The following ITPK1 variants were observed in gnomAD, a reference collection of about 807,000 sequenced individuals.
The protein encoded by ITPK1 is inositol-tetrakisphosphate 1-kinase.
ITPK1 carries 21 observed loss-of-function variants against 45.3 expected under a neutral mutation model. The ratio of observed to expected loss-of-function variants is 0.46; its 90% confidence interval spans 0.33 to 0.67. The LOEUF is 0.67. Ranked by LOEUF, ITPK1 falls within the 30% of genes least tolerant of loss-of-function variation. The probability of loss-of-function intolerance (pLI) is 0.02; values close to 1 mark genes in which losing one functional copy is unlikely to be tolerated. For synonymous variants in ITPK1, 258 were observed against 253.6 expected (o/e 1.02, Z -0.16); for missense variants, 474 against 573.5 (o/e 0.83, Z 1.77).
chr14:93,109,105 G>A (rs1421916985), intron 2 of ITPK1, among the ~76,000 whole-genome samples: 3 of 152,104 alleles, frequency 2.0e-5, no homozygotes, highest in South Asian at 2.1e-4. Flanking sequence ...GCAAGGGGAC[G>A]GGGTATTGTC....
intron 4 of ITPK1, among the ~76,000 whole-genome samples, chr14:92,999,620 G>A (rs1387527879): frequency 6.6e-6 from 1 of 152,228 alleles, no homozygotes; most frequent in African/African-American, 2.4e-5. Flanking sequence ...GTAGAGTGAG[G>A]GCTGATGGCA....
At chr14:93,070,534 G>A (rs773049850) in intron 3 of ITPK1, 1 of 152,340 alleles carries the variant, frequency 6.6e-6, no homozygotes, top group African/African-American at 2.4e-5. Flanking sequence ...TAGCAACTAG[G>A]TGTTTTAGAA....
rs532702420 is a variant in ITPK1 at position 93,064,615 on chromosome 14, G to C, written c.120+11980C>G. Among the ~76,000 whole-genome samples, 4 of 152,240 alleles carry C rather than the reference G, an allele frequency of 2.6e-5. No homozygotes were observed. The South Asian group carries it at 8.3e-4, about 32-fold the overall frequency. ...GTTTCTGGGACACAGCTGCAGGGCC[G>C]GGCACCAGCAAGCCGGGATCTCCTT... On this transcript the variant is annotated intron_variant, in intron 3 of 10. Transcript: ENST00000267615.
At chr14:92,984,697 A>G (rs111770491) in intron 5 of ITPK1, among the ~76,000 whole-genome samples, 4 of 152,278 alleles carry the variant, frequency 2.6e-5, no homozygotes, top group African/African-American at 9.6e-5. Flanking sequence ...CACACGTGAG[A>G]TTATGCTGAC....
chr14:93,101,790 C>A (rs1892331958), intron 2 of ITPK1, among the ~76,000 whole-genome samples: 1 of 152,216 alleles, frequency 6.6e-6, no homozygotes. Flanking sequence ...GTGGAGGTTG[C>A]AGTGACCTGA....
chr14:93,027,898 C>T (rs1888822332), intron 3 of ITPK1, among the ~76,000 whole-genome samples: 1 of 152,226 alleles, frequency 6.6e-6, no homozygotes, highest in Non-Finnish European at 1.5e-5. Flanking sequence ...TGGCTCTCCT[C>T]TCTCCAACCT....
chr14:93,019,300 G>A (rs1349006981), intron 3 of ITPK1, among the ~76,000 whole-genome samples: 3 of 152,214 alleles, frequency 2.0e-5, no homozygotes, highest in Admixed American at 6.5e-5. Flanking sequence ...TTCCCTTGGC[G>A]CTGGGGAAGG....
At chr14:92,979,385 G>T (rs963935551) in intron 5 of ITPK1, among the ~76,000 whole-genome samples, 1 of 152,184 alleles carries the variant, frequency 6.6e-6, no homozygotes, top group African/African-American at 2.4e-5. Flanking sequence ...TTAAGACTTT[G>T]GGGGGCTGTT....
intron 2 of ITPK1, among the ~76,000 whole-genome samples, chr14:93,091,664 T>A (rs1278400659): frequency 1.3e-5 from 2 of 152,160 alleles, no homozygotes; most frequent in African/African-American, 4.8e-5. Context: ...GTGGAATGAA[T>A]GAGGCTGGCA....
chr14:93,017,394 C>T (rs1437206472), intron 3 of ITPK1, among the ~76,000 whole-genome samples: 2 of 152,226 alleles, frequency 1.3e-5, no homozygotes, highest in Non-Finnish European at 2.9e-5. Flanking sequence ...AGCGAAGGCG[C>T]GTAGGGCTGC....
chr14:93,098,489 G>T (rs148020189), intron 2 of ITPK1, among the ~76,000 whole-genome samples: 1 of 151,572 alleles, frequency 6.6e-6, no homozygotes, highest in African/African-American at 2.4e-5. Context: ...TTAGCCGGGC[G>T]TGGTGGTGGG....
Position 93,095,109 on chromosome 14 carries a change from G to A in ITPK1, c.96-18490C>T, listed in dbSNP as rs371112601. 3.3e-5 allele frequency among the ~76,000 whole-genome samples: 5 copies of A among 152,096 alleles called. No homozygotes were observed. In the East Asian group the frequency reaches 5.8e-4, roughly 18 times the overall value. ...CCTGTCTCTGTCTCCGCACCAACTGGGCTCCCGGGGTGCAGGAGGAACTCG... is the reference window on the plus strand; with the variant it reads ...CCTGTCTCTGTCTCCGCACCAACTGAGCTCCCGGGGTGCAGGAGGAACTCG... On this transcript the variant is annotated intron_variant, in intron 2 of 10. Transcript: ENST00000267615.
chr14:93,090,861 C>T (rs1440388932), intron 2 of ITPK1, among the ~76,000 whole-genome samples: 1 of 152,166 alleles, frequency 6.6e-6, no homozygotes, highest in Non-Finnish European at 1.5e-5. Flanking sequence ...AATCGAAACG[C>T]TACACTCCAT....
chr14:92,990,934 A>G (rs1886750241), intron 5 of ITPK1, among the ~76,000 whole-genome samples: 2 of 150,930 alleles, frequency 1.3e-5, no homozygotes, highest in South Asian at 2.1e-4. Flanking sequence ...CGAAGCACCC[A>G]CCCGTCCCCC....
chr14:93,027,578 G>A (rs144839447), intron 3 of ITPK1, among the ~76,000 whole-genome samples: 129 of 152,288 alleles, frequency 8.5e-4, no homozygotes, highest in Non-Finnish European at 1.6e-3. Flanking sequence ...GACAACTGGA[G>A]AACCACACTC....
In ITPK1 at chr14:93,063,896, A is replaced by G. The variant is rs372056260; in HGVS notation, c.120+12699T>C. Among the ~76,000 whole-genome samples the G allele has an allele frequency of 6.6e-6, 1 of 152,152 alleles. No individual in the cohort carries two copies. The highest frequency in any genetic ancestry group is 1.5e-5 in the Non-Finnish European group (1 of 68,040). On this transcript the variant is annotated intron_variant, in intron 3 of 10. Coordinates refer to ENST00000267615, the MANE Select transcript of ITPK1 (RefSeq NM_014216.6). The surrounding 1 kb of genome is among the most constrained non-coding windows in gnomAD (Gnocchi z 4.3). ...TCATAGAAGCCCAGCCCAGACGCCA[A>G]ACGCACTTTGGAATTTTTACATGCG...
At chr14:92,989,692 C>A (rs1886684369) in intron 5 of ITPK1, among the ~76,000 whole-genome samples, 3 of 152,192 alleles carry the variant, frequency 2.0e-5, no homozygotes, top group Admixed American at 2.0e-4. Context: ...CTCCCCGAGG[C>A]CTGCACCAGG....
intron 8 of ITPK1, among the ~76,000 whole-genome samples, chr14:92,955,299 A>C (rs1186152757): frequency 6.6e-6 from 1 of 152,244 alleles, no homozygotes; most frequent in Non-Finnish European, 1.5e-5. Context: ...TTTGCAAAAA[A>C]AAGTTTGCTG....
Position 93,016,753 on chromosome 14 carries a change from T to C in ITPK1, c.169A>G (p.Ile57Val). 2 of 1,614,126 alleles carry C rather than the reference T, an allele frequency of 1.2e-6. No individual in the cohort carries two copies. The highest frequency in any genetic ancestry group is 1.7e-6 in the Non-Finnish European group (2 of 1,179,974). The change falls in exon 4 of 11, where the codon ATC becomes GTC. Residue 57 changes from isoleucine (I) to valine (V), a missense_variant. Coordinates refer to ENST00000267615, the MANE Select transcript of ITPK1 (RefSeq NM_014216.6). This position sits in a 1 kb window ranked among gnomAD's most constrained non-coding sequence, Gnocchi z 5.0. Reference sequence around the variant, plus strand: ...AGGATGACGTCAGTCAGCTTGTGGATGATGACGTCCAGGGGGCCCTGCTCC... The same window carrying C: ...AGGATGACGTCAGTCAGCTTGTGGACGATGACGTCCAGGGGGCCCTGCTCC... ...IEEQGPLDVIIHKLTDVILEA... is the reference protein window; with the variant it reads ...IEEQGPLDVIVHKLTDVILEA...
Sources: gnomAD v4.1 joint callset for allele counts (sites outside exome capture counted in the v4.1 genomes callset) on GRCh38, gnomAD v4.1.1 for gene constraint, Gnocchi (gnomAD v3.1) non-coding constraint, MANE v1.5 for transcripts, NCBI Gene and HGNC (gene_info 2026-07-23, HGNC 2026-07-21) for gene names.